The following ARHGAP15 variants were observed in gnomAD, a reference collection of about 807,000 sequenced individuals.
ARHGAP15 encodes rho GTPase-activating protein 15.
A neutral mutation model predicts 63.7 loss-of-function variants in ARHGAP15; 51 were observed. The ratio of observed to expected loss-of-function variants is 0.80; its 90% CI spans 0.64 to 1.01. The LOEUF is 1.01. Among genes scored for constraint, ARHGAP15 ranks in the 50% least tolerant of loss-of-function variants. The pLI is 0.00. For missense variants in ARHGAP15, 560 were observed against 564.6 expected (o/e 0.99, Z 0.08); for synonymous variants, 191 against 193.8 (o/e 0.99, Z 0.12).
chr2:143,278,893 A>T (rs1392119558), intron 6 of ARHGAP15, among the ~76,000 whole-genome samples: 3 of 140,332 alleles, frequency 2.1e-5, no homozygotes, highest in Non-Finnish European at 4.5e-5. Flanking sequence ...TGGCCAGGCT[A>T]CATGTAAGAT....
intron 8 of ARHGAP15, 39 bp from the exon 9 acceptor site, chr2:143,487,334 G>A (rs761242493): frequency 3.2e-6 from 5 of 1,582,084 alleles, no homozygotes; most frequent in Non-Finnish European, 3.4e-6. Context: ...TCATAAAGGA[G>A]AAATTTACCA....
chr2:143,285,793 A>AAT (rs1451212631), intron 6 of ARHGAP15, among the ~76,000 whole-genome samples: 8 of 152,302 alleles, frequency 5.3e-5, no homozygotes, highest in Admixed American at 2.6e-4. Context: ...TCAGTCCATG[A>AAT]ATATATATTG....
intron 6 of ARHGAP15, among the ~76,000 whole-genome samples, chr2:143,387,467 C>T (rs1315990867): frequency 6.6e-6 from 1 of 151,890 alleles, no homozygotes; most frequent in Non-Finnish European, 1.5e-5. Flanking sequence ...ATATAAATAC[C>T]AATTATTGAG....
intron 6 of ARHGAP15, among the ~76,000 whole-genome samples, chr2:143,388,310 A>G (rs1042437912): frequency 6.6e-6 from 1 of 152,168 alleles, no homozygotes; most frequent in Non-Finnish European, 1.5e-5. Flanking sequence ...TGCTAAAAGA[A>G]TTTTTCCCAA....
intron 4 of ARHGAP15, chr2:143,228,040 C>T (rs1452602905): frequency 1.3e-5 from 2 of 152,080 alleles, no homozygotes; most frequent in Non-Finnish European, 2.9e-5. Flanking sequence ...TATTCCTTGA[C>T]AATTTGATGT....
chr2:143,712,992 T>C (rs1198122483), intron 13 of ARHGAP15, among the ~76,000 whole-genome samples: 4 of 152,222 alleles, frequency 2.6e-5, no homozygotes, highest in African/African-American at 7.2e-5. Flanking sequence ...GTGTCCTACA[T>C]AGATACTCAA....
chr2:143,586,172 G>C (rs749837315), intron 11 of ARHGAP15, among the ~76,000 whole-genome samples: 3 of 152,048 alleles, frequency 2.0e-5, no homozygotes, highest in African/African-American at 7.2e-5. Context: ...TGATTTACCT[G>C]TGCTGCCTGG....
chr2:143,363,986 C>A (rs1443333025), intron 6 of ARHGAP15, among the ~76,000 whole-genome samples: 1 of 152,160 alleles, frequency 6.6e-6, no homozygotes, highest in Non-Finnish European at 1.5e-5. Flanking sequence ...TACATGTCTT[C>A]TTCTCAAATT....
At chr2:143,205,239 A>G (rs1380032269) in intron 3 of ARHGAP15, among the ~76,000 whole-genome samples, 18 of 148,930 alleles carry the variant, frequency 1.2e-4, no homozygotes, top group South Asian at 6.6e-4. Flanking sequence ...GTGAGCCAAG[A>G]TTGTGCAGAG....
At chr2:143,334,421 G>A (rs903493414) in intron 6 of ARHGAP15, among the ~76,000 whole-genome samples, 10 of 152,044 alleles carry the variant, frequency 6.6e-5, no homozygotes, top group Non-Finnish European at 1.2e-4. Context: ...ATTGTTAGAT[G>A]CCAACTGTTG....
chr2:143,700,070 A>G (rs1684018196), intron 12 of ARHGAP15, among the ~76,000 whole-genome samples: 1 of 152,134 alleles, frequency 6.6e-6, no homozygotes. Context: ...AAAATTGCCT[A>G]GCTTTAAAGG....
intron 8 of ARHGAP15, among the ~76,000 whole-genome samples, chr2:143,476,292 T>A (rs905906171): frequency 6.6e-6 from 1 of 152,098 alleles, no homozygotes; most frequent in East Asian, 1.9e-4. Flanking sequence ...GTAAAAAAAA[T>A]AAATCTGGAA....
chr2:143,151,903 G>A (rs934212424), intron 1 of ARHGAP15, among the ~76,000 whole-genome samples: 1 of 151,920 alleles, frequency 6.6e-6, no homozygotes, highest in African/African-American at 2.4e-5. Flanking sequence ...AGCAGTCACA[G>A]GTCCCACAGC....
At chr2:143,247,944 T>C (rs957905041) in intron 5 of ARHGAP15, among the ~76,000 whole-genome samples, 15 of 152,234 alleles carry the variant, frequency 9.9e-5, no homozygotes, top group Non-Finnish European at 1.6e-4. Flanking sequence ...CATTTTGGTA[T>C]TTTTCCTTCA....
intron 6 of ARHGAP15, among the ~76,000 whole-genome samples, chr2:143,409,263 C>T (rs192758346): frequency 3.3e-4 from 50 of 152,010 alleles, no homozygotes; most frequent in African/African-American, 1.2e-3. Flanking sequence ...AAAACAACAA[C>T]AACACAACAA....
intron 10 of ARHGAP15, among the ~76,000 whole-genome samples, chr2:143,528,516 G>A (rs907938874): frequency 1.4e-4 from 22 of 151,900 alleles, no homozygotes; most frequent in Admixed American, 6.6e-4. Flanking sequence ...TGAAGTTAAT[G>A]AAGACAGAAT....
intron 6 of ARHGAP15, among the ~76,000 whole-genome samples, chr2:143,268,753 A>G (rs1468470796): frequency 1.3e-5 from 2 of 152,122 alleles, no homozygotes; most frequent in Non-Finnish European, 2.9e-5. Context: ...AAAAGTAAAA[A>G]TCCGTATATT....
intron 12 of ARHGAP15, among the ~76,000 whole-genome samples, chr2:143,679,654 C>CGTGTGT (rs60643761): frequency 6.0e-5 from 9 of 149,844 alleles, no homozygotes; most frequent in African/African-American, 2.2e-4. Context: ...TGCGTGTGTG[C>CGTGTGT]GTGTGTGTGT....
chr2:143,340,813 A>G (rs545120880), intron 6 of ARHGAP15, among the ~76,000 whole-genome samples: 2 of 152,250 alleles, frequency 1.3e-5, no homozygotes, highest in African/African-American at 4.8e-5. Flanking sequence ...ACACAATGGA[A>G]AAGTACGCTT....
Sources: allele counts gnomAD v4.1 joint callset (sites outside exome capture counted in the v4.1 genomes callset), GRCh38; gene constraint gnomAD v4.1.1; transcripts MANE v1.5; gene names NCBI Gene and HGNC (gene_info 2026-07-23, HGNC 2026-07-21).